ADGRB3: variants seen among roughly 807,000 people sequenced by gnomAD.
The protein encoded by ADGRB3 is brain-specific angiogenesis inhibitor 3.
Under a neutral mutation model 193.4 loss-of-function variants are expected in ADGRB3, and 37 were observed. The observed-to-expected ratio is 0.19, with a 90% CI of 0.15 to 0.25. The LOEUF (loss-of-function observed/expected upper bound fraction) is 0.25, where lower values mean the gene tolerates loss of function less well. Among genes scored for constraint, ADGRB3 ranks in the 10% least tolerant of loss-of-function variants. The pLI, the probability that ADGRB3 is intolerant of heterozygous loss-of-function variation, is 1.00. For synonymous variants in ADGRB3, 690 were observed against 644.2 expected (o/e 1.07, Z -1.08); for missense variants, 1,637 against 1,852.9 (o/e 0.88, Z 2.14).
intron 29 of ADGRB3, among the ~76,000 whole-genome samples, chr6:69,369,820 C>T (rs1196654430): frequency 6.6e-6 from 1 of 151,922 alleles, no homozygotes; most frequent in Admixed American, 6.6e-5. Context: ...TTATTTTACT[C>T]AACACAGATA....
intron 24 of ADGRB3, among the ~76,000 whole-genome samples, chr6:69,338,323 C>CAAAAAA (rs1347659615): frequency 5.9e-5 from 9 of 152,134 alleles, no homozygotes; most frequent in South Asian, 4.1e-4. Flanking sequence ...AATATTTCAT[C>CAAAAAA]AAATTTCATC....
chr6:69,050,497 T>G (rs1339448146), intron 15 of ADGRB3, among the ~76,000 whole-genome samples: 1 of 152,212 alleles, frequency 6.6e-6, no homozygotes, highest in African/African-American at 2.4e-5. Context: ...AAAAGTCTAC[T>G]CTCAGCTTTT....
At chr6:69,226,545 G>A (rs978759107) in intron 17 of ADGRB3, among the ~76,000 whole-genome samples, 1 of 152,204 alleles carries the variant, frequency 6.6e-6, no homozygotes, top group African/African-American at 2.4e-5. Context: ...TGTGATAGGT[G>A]CAATGGGCAA....
chr6:69,297,754 C>G (rs1767860959), intron 20 of ADGRB3, among the ~76,000 whole-genome samples: 1 of 151,892 alleles, frequency 6.6e-6, no homozygotes, highest in African/African-American at 2.4e-5. Context: ...TATAGTTGCA[C>G]TCAAAATAGA....
At chr6:68,859,992 A>G (rs550695) in intron 3 of ADGRB3, among the ~76,000 whole-genome samples, 32,101 of 152,168 alleles carry the variant, frequency 0.21, 3,970 homozygotes, top group East Asian at 0.58. Context: ...AATAGTAACT[A>G]TAGGTATTTT....
chr6:69,083,843 C>A (rs930768305), intron 17 of ADGRB3, among the ~76,000 whole-genome samples: 1 of 148,210 alleles, frequency 6.7e-6, no homozygotes, highest in East Asian at 2.0e-4. Context: ...GGCACGATCT[C>A]GGCTCACTGC....
intron 3 of ADGRB3, among the ~76,000 whole-genome samples, chr6:68,848,869 C>T (rs1023155987): frequency 3.3e-5 from 5 of 151,922 alleles, no homozygotes; most frequent in South Asian, 2.1e-4. Flanking sequence ...TTTCCTAAGG[C>T]GGCATTAGCA....
chr6:68,975,036 A>T (rs1002638807), intron 9 of ADGRB3, among the ~76,000 whole-genome samples, 172 bp downstream of exon 9: 2 of 152,222 alleles, frequency 1.3e-5, no homozygotes, highest in Non-Finnish European at 2.9e-5. Flanking sequence ...CAATGAAGAG[A>T]TATAGAAAAT....
At chr6:68,831,253 G>A (rs1030348772) in intron 3 of ADGRB3, among the ~76,000 whole-genome samples, 2 of 148,816 alleles carry the variant, frequency 1.3e-5, no homozygotes, top group Admixed American at 6.8e-5. Context: ...AGAGCCCAAG[G>A]CTACTCACTT....
chr6:69,319,168 A>G (rs1436919601), intron 20 of ADGRB3, among the ~76,000 whole-genome samples: 4 of 151,214 alleles, frequency 2.6e-5, no homozygotes, highest in Non-Finnish European at 4.4e-5. Context: ...AAATTTCACA[A>G]GTTTTCATAT....
chr6:69,334,031 T>C (rs993673007), intron 24 of ADGRB3, among the ~76,000 whole-genome samples: 5 of 150,770 alleles, frequency 3.3e-5, no homozygotes, highest in African/African-American at 1.2e-4. Flanking sequence ...AATATGTATA[T>C]ATAATGACAG....
chr6:69,358,885 C>T (rs1459831559), intron 28 of ADGRB3, among the ~76,000 whole-genome samples: 2 of 151,636 alleles, frequency 1.3e-5, no homozygotes, highest in East Asian at 3.9e-4. Flanking sequence ...GCAGCCACTA[C>T]TGCAAAAGAA....
chr6:68,639,443 A>C lies in ADGRB3; in HGVS notation c.757+11A>C. The C allele has an allele frequency of 1.3e-6, 2 of 1,588,702 alleles. No individual in the cohort carries two copies. The highest frequency in any genetic ancestry group is 1.7e-6 in the Non-Finnish European group (2 of 1,167,956). On this transcript the variant is annotated intron_variant, in intron 3 of 31. Coordinates refer to ENST00000370598, the MANE Select transcript of ADGRB3 (RefSeq NM_001704.3). ...GACCACCCAAAGAAGGTAAGTGCCA[A>C]AGAGAGGGGAAGGTGAGCGGGGGAG...
Position 69,388,912 on chromosome 6 carries a change from G to T in ADGRB3, c.*21G>T. 6.2e-7 allele frequency: 1 copy of T among 1,601,472 alleles called. No individual in the cohort carries two copies. The highest frequency in any genetic ancestry group is 1.3e-5 in the African/African-American group (1 of 74,472). On this transcript the variant is annotated 3_prime_UTR_variant, in exon 32 of 32. Coordinates refer to ENST00000370598, the MANE Select transcript of ADGRB3 (RefSeq NM_001704.3). ...TTTAAAAAAATCAAAATGGACTAAG[G>T]TAGAGACAAAACTTTATTGCACTGA...
intron 3 of ADGRB3, among the ~76,000 whole-genome samples, chr6:68,708,875 C>T (rs1562001410): frequency 6.6e-6 from 1 of 151,968 alleles, no homozygotes. Flanking sequence ...AATGTCGACA[C>T]CTATTACCAA....
At chr6:68,947,905 C>G (rs1219713549) in intron 6 of ADGRB3, among the ~76,000 whole-genome samples, 1 of 152,078 alleles carries the variant, frequency 6.6e-6, no homozygotes, top group Non-Finnish European at 1.5e-5. Flanking sequence ...GAATTTGTTA[C>G]TCTTGAGAGT....
chr6:68,801,741 G>C (rs1345265453), intron 3 of ADGRB3, among the ~76,000 whole-genome samples: 3 of 152,028 alleles, frequency 2.0e-5, no homozygotes, highest in African/African-American at 4.8e-5. Context: ...CCTATATCCA[G>C]ATACCAAGAG....
At chr6:69,131,778 C>T (rs866097916) in intron 17 of ADGRB3, among the ~76,000 whole-genome samples, 21 of 149,450 alleles carry the variant, frequency 1.4e-4, no homozygotes, top group Middle Eastern at 6.8e-3. Context: ...CCTCCCCTAG[C>T]CCCCCACCCC....
intron 12 of ADGRB3, among the ~76,000 whole-genome samples, chr6:69,016,728 G>A (rs12527549): frequency 6.6e-6 from 1 of 151,670 alleles, no homozygotes; most frequent in Admixed American, 6.6e-5. Flanking sequence ...AGACTATTTA[G>A]CTTTTAAATA....
Sources: allele counts gnomAD v4.1 joint callset (sites outside exome capture counted in the v4.1 genomes callset), GRCh38; gene constraint gnomAD v4.1.1; transcripts MANE v1.5; gene names NCBI Gene and HGNC (gene_info 2026-07-23, HGNC 2026-07-21).